Variants in KPNA7 observed in about 807,000 individuals in gnomAD.
The protein encoded by KPNA7 is importin subunit alpha-8.
Under a neutral mutation model 53.7 loss-of-function variants are expected in KPNA7, and 54 were observed. The ratio of observed to expected loss-of-function variants is 1.01; its 90% CI spans 0.81 to 1.26. KPNA7 has a LOEUF of 1.26. Among genes scored for constraint, KPNA7 ranks in the 50% most tolerant of loss-of-function variants. The pLI, the probability that KPNA7 is intolerant of heterozygous loss-of-function variation, is 0.00. For missense variants in KPNA7, 640 were observed against 644.5 expected, an observed-to-expected ratio of 0.99 and a Z score of 0.07; for synonymous variants, 276 against 259.3, an observed-to-expected ratio of 1.06 and a Z score of -0.62.
rs761533040 is a variant in KPNA7, at chr7:99,178,056, T to A, written c.1328A>T (p.Lys443Ile). ...VISCILQAAE[K>I]RSEKENLCLL... is the part of the protein sequence containing the mutation. ...ACACAGGTTTTCCTTCTCAGACCGTTTCTCTGCCGCCTGTGACCAAGTACA... is the reference window on the plus strand; with the variant it reads ...ACACAGGTTTTCCTTCTCAGACCGTATCTCTGCCGCCTGTGACCAAGTACA... Residue 443 changes from lysine to isoleucine, a missense_variant, in exon 10 of 11, where the codon AAA (lysine) becomes ATA (isoleucine). Physicochemically the swap from Lys to Ile is moderately radical, Grantham distance 102. Coordinates refer to ENST00000327442, the MANE Select transcript of KPNA7 (RefSeq NM_001145715.3). 1 of 1,551,348 alleles carries A rather than the reference T, an allele frequency of 6.4e-7. No homozygotes were observed. Among genetic ancestry groups the A allele is most frequent in the Non-Finnish European group, 8.7e-7 (1 of 1,146,890 alleles).
At chr7:99,153,805 C>CA in the KPNA7 span, among the ~76,000 whole-genome samples, 100 of 151,154 alleles carry the variant, frequency 6.6e-4, no homozygotes, top group Middle Eastern at 3.4e-3. Flanking sequence ...CTCATCTCTA[C>CA]AAAAAAAATA....
the KPNA7 span, among the ~76,000 whole-genome samples, chr7:99,149,620 G>T: frequency 9.9e-4 from 151 of 152,270 alleles, no homozygotes; most frequent in African/African-American, 3.6e-3. Flanking sequence ...TGTGCAGAGG[G>T]TCCCTGGTGG....
chr7:99,162,523 G>A, the KPNA7 span, among the ~76,000 whole-genome samples: 6 of 152,190 alleles, frequency 3.9e-5, no homozygotes, highest in South Asian at 6.2e-4. Context: ...CCAGCCAGAA[G>A]GTGACTAACA....
At chr7:99,197,703 G>T (rs1026870133) in intron 3 of KPNA7, among the ~76,000 whole-genome samples, 1 of 152,086 alleles carries the variant, frequency 6.6e-6, no homozygotes, top group Non-Finnish European at 1.5e-5. Context: ...TCACTAAAGG[G>T]GCTTAACAGC....
Position 99,188,284 on chromosome 7 carries a change from C to T in KPNA7, c.900+16G>A. The T allele has an allele frequency of 6.5e-7, 1 of 1,548,172 alleles. No homozygotes were observed. The highest frequency in any genetic ancestry group is 8.7e-7 in the Non-Finnish European group (1 of 1,144,398). ...ACCCGAGGACTCGAATCCACAGGGC[C>T]CAGGATTGCATTTACCAAGACATTG... On this transcript the variant is annotated intron_variant, in intron 7 of 10. Coordinates refer to ENST00000327442, the MANE Select transcript of KPNA7 (RefSeq NM_001145715.3).
At chr7:99,156,316 T>C in the KPNA7 span, among the ~76,000 whole-genome samples, 3 of 152,196 alleles carry the variant, frequency 2.0e-5, no homozygotes, top group African/African-American at 4.8e-5. Flanking sequence ...TTTTCTATCA[T>C]TCAGAGTCCA....
At chr7:99,147,785 C>G in the KPNA7 span, among the ~76,000 whole-genome samples, 2 of 121,192 alleles carry the variant, frequency 1.7e-5, no homozygotes, top group Non-Finnish European at 3.4e-5. Flanking sequence ...GAGCAAGACT[C>G]TATCTCAAAA....
downstream of KPNA7, among the ~76,000 whole-genome samples, chr7:99,171,418 C>T (rs549699001): frequency 1.8e-4 from 20 of 112,818 alleles, no homozygotes; most frequent in Non-Finnish European, 3.7e-4. Flanking sequence ...TTCCCTGTTT[C>T]CTGGATCCCA....
the KPNA7 span, among the ~76,000 whole-genome samples, chr7:99,147,960 T>A: frequency 6.6e-6 from 1 of 151,256 alleles, no homozygotes; most frequent in East Asian, 1.9e-4. Flanking sequence ...AAGGCTGCAG[T>A]GAGCTATGAT....
chr7:99,148,479 A>G, the KPNA7 span, among the ~76,000 whole-genome samples: 1 of 152,228 alleles, frequency 6.6e-6, no homozygotes, highest in African/African-American at 2.4e-5. Context: ...TCCTCCAGAA[A>G]AATTCATATG....
intron 3 of KPNA7, among the ~76,000 whole-genome samples, chr7:99,202,250 G>A (rs1790574184): frequency 6.6e-6 from 1 of 152,114 alleles, no homozygotes; most frequent in African/African-American, 2.4e-5. Context: ...GTTAAGGTAG[G>A]ACAGACAGTG....
chr7:99,218,688 CAG>C (rs1791272400), intron 1 of KPNA7, among the ~76,000 whole-genome samples: 1 of 152,226 alleles, frequency 6.6e-6, no homozygotes, highest in African/African-American at 2.4e-5. Context: ...CTGATTTCAA[CAG>C]AGACAACAGC....
Position 99,176,310 on chromosome 7 carries a change from AAAGAAAG to A in KPNA7, c.1464+1603_1464+1609del, listed in dbSNP as rs757431010. Among the ~76,000 whole-genome samples, 355 of 80,668 alleles carry A rather than the reference AAAGAAAG, an allele frequency of 4.4e-3. 4 individuals are homozygous for A. Among genetic ancestry groups the A allele is most frequent in the African/African-American group, 0.011 (266 of 24,340 alleles). The allele number at this position is 80,668 out of a possible 152,430, so 52.9% of individuals were successfully genotyped here. On this transcript the variant is annotated intron_variant, in intron 10 of 10. Coordinates refer to ENST00000327442, the MANE Select transcript of KPNA7 (RefSeq NM_001145715.3). Reference sequence around the variant, plus strand: ...GAGACTACGTCTCAAAAAAAAAAAAAAAGAAAGAAAGAAAGAAAGAAAAGAAAAATTT... The same window carrying A: ...GAGACTACGTCTCAAAAAAAAAAAAAAAAGAAAGAAAGAAAAGAAAAATTT...
chr7:99,206,152 A>G (rs185631199), intron 2 of KPNA7, among the ~76,000 whole-genome samples: 2 of 152,232 alleles, frequency 1.3e-5, no homozygotes, highest in African/African-American at 4.8e-5. Flanking sequence ...CCTCGGAGAT[A>G]AATAGCAGCC....
the KPNA7 span, among the ~76,000 whole-genome samples, chr7:99,160,017 G>GTTTTTTTTT: frequency 5.3e-3 from 359 of 67,514 alleles, 7 homozygotes; most frequent in African/African-American, 0.011. Context: ...TGTTGTTTTT[G>GTTTTTTTTT]TTTTTTTTTT....
chr7:99,154,278 G>C, the KPNA7 span, among the ~76,000 whole-genome samples: 1 of 151,652 alleles, frequency 6.6e-6, no homozygotes, highest in South Asian at 2.1e-4. Flanking sequence ...ACAGGTGCCC[G>C]CCACCACACC....
rs1235715115 is a variant in KPNA7, at chr7:99,195,310, G to T, written c.313C>A (p.Pro105Thr). The stretch of plus-strand genomic sequence containing the variant: ...CCCGCTTCAATGACCAGTTTCAGAG[G>T]GGGGTTCTTTTCCTGGGATAGCATT... ...RKMLSQEKNP[P>T]LKLVIEAGLI... Residue 105 changes from proline to threonine, a missense_variant, in exon 5 of 11, where the codon CCT becomes ACT. Physicochemically the swap from Pro to Thr is conservative, Grantham distance 38. Coordinates refer to ENST00000327442, the MANE Select transcript of KPNA7 (RefSeq NM_001145715.3). 3 of 1,551,586 alleles carry T rather than the reference G, an allele frequency of 1.9e-6. No homozygotes were observed. The highest frequency in any genetic ancestry group is 2.7e-5 in the African/African-American group (2 of 73,136).
rs1790640499 is a variant in KPNA7 at position 99,203,221 on chromosome 7, A to G, written c.86T>C (p.Met29Thr). 5 of 1,551,614 alleles carry G rather than the reference A, an allele frequency of 3.2e-6. No individual in the cohort carries two copies. Among genetic ancestry groups the G allele is most frequent in the South Asian group, 2.4e-5 (2 of 84,032 alleles). Residue 29 changes from methionine (M) to threonine (T), a missense_variant, in exon 3 of 11, where the codon ATG becomes ACG. Transcript: ENST00000327442. The part of the protein sequence containing the change: ...KDVSLRRQQR[M>T]AVSLELRKAK... ...CTTTCGGAGCTCCAGACTGACCGCC[A>G]TCCTCTGCTGTCGCCTCAGCTAGTG...
intron 9 of KPNA7, among the ~76,000 whole-genome samples, chr7:99,180,190 G>A (rs1244212204): frequency 1.3e-5 from 2 of 152,196 alleles, no homozygotes; most frequent in African/African-American, 2.4e-5. Flanking sequence ...CCCGGTCATC[G>A]TGTAAGCCTC....
Sources: gnomAD v4.1 joint callset for allele counts (sites outside exome capture counted in the v4.1 genomes callset) on GRCh38, gnomAD v4.1.1 for gene constraint, MANE v1.5 for transcripts, NCBI Gene and HGNC (gene_info 2026-07-23, HGNC 2026-07-21) for gene names.